CCDC18: variants seen among roughly 807,000 people sequenced by gnomAD.
CCDC18 encodes the protein coiled-coil domain containing 18.
In CCDC18, 157 loss-of-function variants were observed where a neutral mutation model predicts 196.0. That is an observed-to-expected ratio of 0.80 (90% CI 0.70 to 0.91). The LOEUF is 0.91. CCDC18 is among the 40% of genes least tolerant of loss of function. CCDC18 has a pLI of 0.00. For synonymous variants in CCDC18, 482 were observed against 529.2 expected (o/e 0.91, Z 1.22); for missense variants, 1,465 against 1,611.6 (o/e 0.91, Z 1.56).
intron 16 of CCDC18, 46 bp downstream of exon 16, chr1:93,221,982 T>C (rs765476412): frequency 1.5e-6 from 2 of 1,325,854 alleles, no homozygotes; most frequent in Non-Finnish European, 2.1e-6. Flanking sequence ...TTTTTTTTTT[T>C]TTTAACAGAC....
rs1652366918 is a variant in CCDC18 at position 93,194,422 on chromosome 1, A to G, written c.698+678A>G. ...ATAATCTGTACTAAGCAATTTTGCA[A>G]TTTTGCAATTTTGCAATTTGCAATA... On this transcript the variant is annotated intron_variant, in intron 6 of 28. Coordinates refer to ENST00000690025, the MANE Select transcript of CCDC18 (RefSeq NM_001378204.1). 4.6e-5 allele frequency among the ~76,000 whole-genome samples: 7 copies of G among 152,290 alleles called. No individual in the cohort carries two copies. In the South Asian group the frequency reaches 1.0e-3, roughly 23 times the overall value.
intron 26 of CCDC18, among the ~76,000 whole-genome samples, chr1:93,263,723 C>G (rs574893365): frequency 2.0e-5 from 3 of 152,354 alleles, no homozygotes; most frequent in Admixed American, 2.0e-4. Flanking sequence ...GTTCTAACCT[C>G]TGCCCATTAC....
chr1:93,235,160 C>T (rs946005804), intron 18 of CCDC18, among the ~76,000 whole-genome samples: 1 of 151,766 alleles, frequency 6.6e-6, no homozygotes, highest in African/African-American at 2.4e-5. Flanking sequence ...TTTAGTTCTT[C>T]AGTGAGGGAT....
At chr1:93,182,434 G>A (rs1649885828) in intron 1 of CCDC18, among the ~76,000 whole-genome samples, 1 of 152,160 alleles carries the variant, frequency 6.6e-6, no homozygotes, top group Non-Finnish European at 1.5e-5. Flanking sequence ...ACTTGGGATG[G>A]GATCAGAATG....
intron 27 of CCDC18, among the ~76,000 whole-genome samples, chr1:93,268,809 C>G (rs1479173384): frequency 1.5e-4 from 23 of 151,904 alleles, no homozygotes; most frequent in Non-Finnish European, 3.1e-4. Context: ...GAACTAGGAA[C>G]ACTTTTACAC....
chr1:93,214,026 T>C (rs80333139), intron 11 of CCDC18, among the ~76,000 whole-genome samples: 3,785 of 152,282 alleles, frequency 0.025, 132 homozygotes, highest in African/African-American at 0.081. Flanking sequence ...AAGGCTTACT[T>C]ACCTTGGAGT....
At chr1:93,212,032 AAATAG>A in intron 10 of CCDC18, 64 bp from the exon 11 acceptor site, 1 of 1,330,598 alleles carries the variant, frequency 7.5e-7, no homozygotes, top group Non-Finnish European at 1.0e-6. Context: ...GAAAGGTGAA[AAATAG>A]TACAGTATGA....
intron 1 of CCDC18, 65 bp downstream of exon 1, chr1:93,180,917 T>A (rs772242505): frequency 2.9e-5 from 39 of 1,343,328 alleles, no homozygotes; most frequent in Non-Finnish European, 3.5e-5. Flanking sequence ...GGAAACCGGC[T>A]TACCTGGGGG....
intron 26 of CCDC18, among the ~76,000 whole-genome samples, chr1:93,261,578 A>G (rs1433740493): frequency 2.0e-5 from 3 of 152,024 alleles, no homozygotes; most frequent in Non-Finnish European, 4.4e-5. Flanking sequence ...TATGATTCTA[A>G]ATGTATTTAA....
intron 18 of CCDC18, 131 bp downstream of exon 18, chr1:93,232,724 A>C: frequency 1.5e-6 from 1 of 655,142 alleles, no homozygotes; most frequent in Non-Finnish European, 2.5e-6. Flanking sequence ...TAATTCCAGC[A>C]CTTTGGGAGG....
In CCDC18 at chr1:93,183,392, A is replaced by G; in HGVS notation, c.31A>G (p.Lys11Glu). MESSSSDYYN[K>E]DNEEESLLAN... ...ATCTAGTTCATCAGACTACTATAAT[A>G]AAGACAATGAAGAGGAAAGTTTGCT... The change falls in exon 2 of 29, where the codon AAA (lysine) becomes GAA (glutamate). Residue 11 changes from lysine (K) to glutamate (E), a missense_variant. Lys to Glu is a moderately conservative substitution (Grantham distance 56). Coordinates refer to ENST00000690025, the MANE Select transcript of CCDC18 (RefSeq NM_001378204.1). 6.3e-7 allele frequency: 1 copy of G among 1,599,486 alleles called. No individual in the cohort carries two copies. The highest frequency in any genetic ancestry group is 8.5e-7 in the Non-Finnish European group (1 of 1,169,962).
chr1:93,255,546 C>T (rs1397787773), intron 24 of CCDC18, among the ~76,000 whole-genome samples: 1 of 152,044 alleles, frequency 6.6e-6, no homozygotes, highest in African/African-American at 2.4e-5. Flanking sequence ...GCCTGGGCAT[C>T]GTAGCAGTGG....
In CCDC18 at chr1:93,214,941, C is replaced by T; in HGVS notation, c.1694C>T (p.Ser565Leu). The change falls in exon 12 of 29, where the codon TCA becomes TTA. Residue 565 changes from serine (S) to leucine (L), a missense_variant. Transcript: ENST00000690025. The part of the protein sequence containing the change: ...LIQEELLEKA[S>L]NSSKLESEMT... ...CAAGAGGAGCTGCTAGAGAAAGCTT[C>T]AAACTCCAGCAAACTGGAAAGTGAA... 1 of 1,600,596 alleles carries T rather than the reference C, an allele frequency of 6.2e-7. No individual in the cohort carries two copies. The highest frequency in any genetic ancestry group is 8.5e-7 in the Non-Finnish European group (1 of 1,172,088).
chr1:93,180,724 G>A lies in CCDC18; in HGVS notation c.-131G>A, dbSNP rs1326834653. ...GGCGCGTCCCAACGGCTCCCGCGGC[G>A]GTTCGAATTCTGTGCTGCCGGGGTT... On this transcript the variant is annotated 5_prime_UTR_variant, in exon 1 of 29. Transcript: ENST00000690025. 7.3e-7 allele frequency: 1 copy of A among 1,361,950 alleles called. No homozygotes were observed. The highest frequency in any genetic ancestry group is 9.8e-7 in the Non-Finnish European group (1 of 1,018,574). The allele number at this position is 1,361,950 out of a possible 1,614,324, so 84.4% of individuals were successfully genotyped here. A position where few individuals can be genotyped will look rare whatever the true frequency, so the allele number is the denominator to read the frequency against.
chr1:93,188,207 G>A (rs1270760896), intron 4 of CCDC18, among the ~76,000 whole-genome samples: 1 of 152,140 alleles, frequency 6.6e-6, no homozygotes, highest in Admixed American at 6.6e-5. Flanking sequence ...AGCTTTTGAT[G>A]TTACATATAT....
At chr1:93,261,144 T>C (rs1283450475) in intron 26 of CCDC18, among the ~76,000 whole-genome samples, 5 of 152,212 alleles carry the variant, frequency 3.3e-5, no homozygotes, top group Admixed American at 3.3e-4. Context: ...AGTAATGGGA[T>C]GGCTGGGTCA....
intron 14 of CCDC18, 120 bp from the exon 15 acceptor site, chr1:93,221,489 G>T (rs1236484510): frequency 1.4e-5 from 8 of 591,792 alleles, no homozygotes; most frequent in Non-Finnish European, 2.1e-5. Flanking sequence ...AGAAGCTGAA[G>T]ACAATTTGGC....
At chr1:93,260,219 A>T (rs1348263871) in intron 26 of CCDC18, among the ~76,000 whole-genome samples, 1 of 152,162 alleles carries the variant, frequency 6.6e-6, no homozygotes, top group African/African-American at 2.4e-5. Flanking sequence ...CCCCGTCTCT[A>T]CTAAAAATAC....
chr1:93,182,930 G>A (rs1355330921), intron 1 of CCDC18, among the ~76,000 whole-genome samples: 2 of 152,116 alleles, frequency 1.3e-5, no homozygotes, highest in African/African-American at 4.8e-5. Context: ...ATGTAATAAA[G>A]CTACAATGCG....
Sources: gnomAD v4.1 joint callset for allele counts (sites outside exome capture counted in the v4.1 genomes callset) on GRCh38, gnomAD v4.1.1 for gene constraint, MANE v1.5 for transcripts, NCBI Gene and HGNC (gene_info 2026-07-23, HGNC 2026-07-21) for gene names.